The following SYAP1 variants were observed in gnomAD, a reference collection of about 807,000 sequenced individuals.
The protein encoded by SYAP1 is synapse associated protein 1.
Under a neutral mutation model 29.6 loss-of-function variants are expected in SYAP1, and 3 were observed. The observed-to-expected ratio is 0.10, with a 90% CI of 0.05 to 0.26. SYAP1 has a LOEUF of 0.26. SYAP1 is among the 10% of genes least tolerant of loss of function. The pLI is 1.00. For missense variants in SYAP1, 217 were observed against 264.1 expected, an observed-to-expected ratio of 0.82 and a Z score of 1.24; for synonymous variants, 102 against 102.7, an observed-to-expected ratio of 0.99 and a Z score of 0.04.
At position 16,719,813 on chromosome X, in the gene SYAP1, C is replaced by G. The variant is rs779127204; in HGVS notation, c.89C>G (p.Pro30Arg). ...QPNGDAPPEQ[P>R]SETVAESAEE... Reference sequence around the variant, plus strand: ...AATGGAGATGCTCCACCCGAGCAGCCGTCCGAGACGGTGGCTGAGTCTGCG... The same window carrying G: ...AATGGAGATGCTCCACCCGAGCAGCGGTCCGAGACGGTGGCTGAGTCTGCG... The change falls in exon 1 of 9, where the codon CCG becomes CGG. Residue 30 changes from proline to arginine, a missense_variant. Coordinates refer to ENST00000380155, the MANE Select transcript of SYAP1 (RefSeq NM_032796.4). 1.6e-5 allele frequency: 19 copies of G among 1,196,052 alleles called. No individual in the cohort carries two copies. The Middle Eastern group carries it at 1.9e-3, about 119-fold the overall frequency.
At chrX:16,750,255 T>C (rs192844231) in intron 5 of SYAP1, among the ~76,000 whole-genome samples, 133 of 112,104 alleles carry the variant, frequency 1.2e-3, no homozygotes, top group African/African-American at 4.2e-3. Context: ...TTAGCAGTGG[T>C]AGCATACTGT....
chrX:16,721,975 C>G (rs771781053), intron 1 of SYAP1, among the ~76,000 whole-genome samples: 18 of 112,344 alleles, frequency 1.6e-4, no homozygotes, highest in African/African-American at 5.8e-4. Context: ...AACACACACA[C>G]ATTGTGAATT....
intron 5 of SYAP1, among the ~76,000 whole-genome samples, chrX:16,751,057 G>A (rs1017515137): frequency 3.7e-5 from 4 of 109,070 alleles, no homozygotes; most frequent in East Asian, 3.0e-4. Context: ...ATGAGCCACC[G>A]CACCTAGCAC....
At chrX:16,723,224 G>T (rs750727727) in intron 1 of SYAP1, among the ~76,000 whole-genome samples, 2 of 112,284 alleles carry the variant, frequency 1.8e-5, no homozygotes, top group Admixed American at 9.5e-5. Context: ...AAGTTAGAGT[G>T]TACAGAGGTG....
At chrX:16,720,451 A>G (rs1441215167) in intron 1 of SYAP1, among the ~76,000 whole-genome samples, 1 of 112,260 alleles carries the variant, frequency 8.9e-6, no homozygotes, top group Non-Finnish European at 1.9e-5. Context: ...TTGCAGTACT[A>G]GATGTTTTAT....
Position 16,733,670 on chromosome X carries a change from T to C in SYAP1, c.176-1557T>C, listed in dbSNP as rs1335715837. 2.0e-4 allele frequency among the ~76,000 whole-genome samples: 17 copies of C among 84,129 alleles called. No individual in the cohort carries two copies. In the South Asian group the frequency reaches 3.1e-3, roughly 16 times the overall value. The allele number at this position is 84,129 out of a possible 115,157, so 73.1% of individuals were successfully genotyped here. A position where few individuals can be genotyped will look rare whatever the true frequency, so the allele number is the denominator to read the frequency against. ...ATGATATTTGTCTACAAATTAGCCC[T>C]TTTTTTTTTTTTTTAGACGGAGTCT... is the stretch of plus-strand genomic sequence containing the variant. On this transcript the variant is annotated intron_variant, in intron 1 of 8. Coordinates refer to ENST00000380155, the MANE Select transcript of SYAP1 (RefSeq NM_032796.4).
At chrX:16,724,688 C>T (rs1926046410) in intron 1 of SYAP1, among the ~76,000 whole-genome samples, 1 of 111,913 alleles carries the variant, frequency 8.9e-6, no homozygotes, top group Non-Finnish European at 1.9e-5. Flanking sequence ...TTCAGGCTCA[C>T]AAGACAGCAA....
intron 5 of SYAP1, among the ~76,000 whole-genome samples, chrX:16,749,333 G>A (rs1469386056): frequency 9.0e-6 from 1 of 111,270 alleles, no homozygotes; most frequent in African/African-American, 3.3e-5. Flanking sequence ...GGGATTACAG[G>A]TGTGAGCCAC....
chrX:16,758,294 C>T (rs966986554), intron 8 of SYAP1, among the ~76,000 whole-genome samples: 3 of 109,836 alleles, frequency 2.7e-5, no homozygotes, highest in African/African-American at 1.0e-4. Flanking sequence ...ATCTTGCCAC[C>T]TCAGTGTCTC....
In SYAP1 at chrX:16,757,428, A is replaced by G. The variant is rs1472497129; in HGVS notation, c.931+119A>G. ...AAAATGTGTTGTAAATTTTGCATCA[A>G]AATTGATTCTTGTCAGAGGCAATGG... On this transcript the variant is annotated intron_variant, in intron 8 of 8. Coordinates refer to ENST00000380155, the MANE Select transcript of SYAP1 (RefSeq NM_032796.4). 10 of 853,515 alleles carry G rather than the reference A, an allele frequency of 1.2e-5. No individual in the cohort carries two copies. The East Asian group carries it at 1.4e-4, about 12-fold the overall frequency. 70.3% of individuals were successfully genotyped at this position (853,515 alleles called of 1,213,427 possible). A position where few individuals can be genotyped will look rare whatever the true frequency, so the allele number is the denominator to read the frequency against.
At chrX:16,742,353 T>A (rs1302832584) in intron 4 of SYAP1, among the ~76,000 whole-genome samples, 1 of 109,383 alleles carries the variant, frequency 9.1e-6, no homozygotes, top group African/African-American at 3.3e-5. Context: ...GGTTTCACCA[T>A]GTTGGCCAGA....
intron 4 of SYAP1, among the ~76,000 whole-genome samples, chrX:16,742,143 G>GTTTTTTTTTTTTTTTTTTTTTTTTT (rs144175479): frequency 4.8e-5 from 2 of 41,872 alleles, no homozygotes; most frequent in African/African-American, 2.7e-4. Flanking sequence ...TTTTTGTGTG[G>GTTTTTTTTTTTTTTTTTTTTTTTTT]TTTTTTTTTT....
rs1343422668 is a variant in SYAP1 at position 16,757,167 on chromosome X, GGAA to G, written c.793_795del (p.Glu265del). The G allele has an allele frequency of 8.3e-7, 1 of 1,210,885 alleles. No individual in the cohort carries two copies. Among genetic ancestry groups the G allele is most frequent in the Non-Finnish European group, 1.1e-6 (1 of 895,113 alleles). ...GCTCATTTGTTGCATTTCAGGATGA[GGAA>G]GAAATTTCTACTAGCCCAGGTGTTT... On this transcript the variant is annotated inframe_deletion, in exon 8 of 9. Coordinates refer to ENST00000380155, the MANE Select transcript of SYAP1 (RefSeq NM_032796.4).
intron 5 of SYAP1, among the ~76,000 whole-genome samples, chrX:16,753,238 C>A (rs12842897): frequency 0.37 from 36,389 of 97,296 alleles, 7,334 homozygotes; most frequent in Middle Eastern, 0.63. Context: ...AAGTGAGACT[C>A]CGTCTCAAAA....
At chrX:16,722,577 A>G (rs1925989766) in intron 1 of SYAP1, among the ~76,000 whole-genome samples, 1 of 110,432 alleles carries the variant, frequency 9.1e-6, no homozygotes, top group Non-Finnish European at 1.9e-5. Flanking sequence ...TTCTGCATAT[A>G]TTTGTTGAGT....
intron 5 of SYAP1, among the ~76,000 whole-genome samples, chrX:16,744,374 A>G (rs1483628664): frequency 8.9e-6 from 1 of 112,431 alleles, no homozygotes; most frequent in East Asian, 2.8e-4. Context: ...GTTCTGTCTC[A>G]AGCTCTTCCG....
chrX:16,749,870 C>T (rs1344174614), intron 5 of SYAP1, among the ~76,000 whole-genome samples: 2 of 104,207 alleles, frequency 1.9e-5, no homozygotes, highest in East Asian at 6.1e-4. Context: ...GAGATTGTGC[C>T]ACTGCACTCC....
At chrX:16,744,158 G>A (rs1433524732) in intron 5 of SYAP1, among the ~76,000 whole-genome samples, 1 of 112,547 alleles carries the variant, frequency 8.9e-6, no homozygotes, top group Non-Finnish European at 1.9e-5. Flanking sequence ...TTTTTTCCAA[G>A]CTGACTGCAT....
At chrX:16,719,984 G>T in intron 1 of SYAP1, 85 bp downstream of exon 1, 1 of 955,900 alleles carries the variant, frequency 1.0e-6, no homozygotes, top group Non-Finnish European at 1.4e-6. Flanking sequence ...CCGACTGGCT[G>T]GGGGATGAGG....
Sources: allele counts gnomAD v4.1 joint callset (sites outside exome capture counted in the v4.1 genomes callset), GRCh38; gene constraint gnomAD v4.1.1; transcripts MANE v1.5; gene names NCBI Gene and HGNC (gene_info 2026-07-23, HGNC 2026-07-21).